Variants in DPP9 observed in about 807,000 individuals in gnomAD.
DPP9 encodes the protein dipeptidyl peptidase 9, also known as dipeptidyl peptidase IV-related protein-2.
DPP9 carries 50 observed loss-of-function variants against 110.7 expected under a neutral mutation model. The ratio of observed to expected loss-of-function variants is 0.45; its 90% CI spans 0.36 to 0.57. The LOEUF (loss-of-function observed/expected upper bound fraction) is 0.57, where lower values mean the gene tolerates loss of function less well. Among genes scored for constraint, DPP9 ranks in the 20% least tolerant of loss-of-function variants. DPP9 has a pLI of 0.00. For missense variants in DPP9, 1,022 were observed against 1,217.9 expected (o/e 0.84, Z 2.39); for synonymous variants, 561 against 514.4 (o/e 1.09, Z -1.23).
intron 3 of DPP9, among the ~76,000 whole-genome samples, chr19:4,714,929 G>A (rs558867507): frequency 1.3e-4 from 20 of 151,232 alleles, no homozygotes; most frequent in South Asian, 8.4e-4. Context: ...CCTTTCCACC[G>A]CAGGGCCTTT....
intron 1 of DPP9, among the ~76,000 whole-genome samples, chr19:4,722,988 T>C (rs537441760): frequency 1.3e-5 from 2 of 152,210 alleles, no homozygotes; most frequent in African/African-American, 4.8e-5. Flanking sequence ...GGGAAGAAGG[T>C]AGGCGGTTGG....
At chr19:4,678,862 C>G (rs968015693) in intron 21 of DPP9, among the ~76,000 whole-genome samples, 1 of 152,146 alleles carries the variant, frequency 6.6e-6, no homozygotes, top group Non-Finnish European at 1.5e-5. Context: ...CCCGCCGGTA[C>G]AACTATGGAC....
chr19:4,679,733 G>A (rs2089534121), intron 21 of DPP9, 102 bp downstream of exon 21: 2 of 857,882 alleles, frequency 2.3e-6, no homozygotes, highest in Admixed American at 4.3e-5. Context: ...ATCCCCCAGG[G>A]AGCCCCTGGT....
intron 10 of DPP9, 120 bp from the exon 11 acceptor site, chr19:4,697,771 C>T (rs942675127): frequency 2.9e-6 from 2 of 700,208 alleles, no homozygotes; most frequent in African/African-American, 1.8e-5. Context: ...GAGTCTCAGC[C>T]CCCAGAACCC....
At chr19:4,690,397 C>G (rs572311355) in intron 14 of DPP9, among the ~76,000 whole-genome samples, 40 of 152,338 alleles carry the variant, frequency 2.6e-4, no homozygotes, top group African/African-American at 8.2e-4. Flanking sequence ...CCGGTGGAGG[C>G]AGCTGGAGCG....
Position 4,719,880 on chromosome 19 carries a change from CA to C in DPP9, c.26del (p.Leu9ArgfsTer14), listed in dbSNP as rs2093241891. The C allele has an allele frequency of 6.4e-7, 1 of 1,551,766 alleles. No homozygotes were observed. The highest frequency in any genetic ancestry group is 2.4e-5 in the East Asian group (1 of 40,916). Reference protein sequence around the residue: MRKVKKLRLDKENTGSWRS... With the variant: MRKVKKLRXDKENTGSWRS... ...TCCAACTTCCGGTGTTCTCCTTGTC[CA>C]GGCGCAGTTTCTTAACCTTCCGCAT... On this transcript the variant is annotated frameshift_variant, in exon 3 of 22. Transcript: ENST00000262960. LOFTEE classifies it high-confidence loss of function.
At chr19:4,691,458 A>G (rs2091303693) in intron 13 of DPP9, among the ~76,000 whole-genome samples, 1 of 150,998 alleles carries the variant, frequency 6.6e-6, no homozygotes, top group Non-Finnish European at 1.5e-5. Flanking sequence ...CCTGGGCGAC[A>G]ACAAGAACCC....
Position 4,685,449 on chromosome 19 carries a change from A to C in DPP9, c.2031+177T>G. The C allele has an allele frequency of 2.9e-6, 2 of 697,710 alleles. No individual in the cohort carries two copies. The highest frequency in any genetic ancestry group is 5.0e-6 in the Non-Finnish European group (2 of 396,124). The allele number at this position is 697,710 out of a possible 1,614,324, so 43.2% of individuals were successfully genotyped here. A position where few individuals can be genotyped will look rare whatever the true frequency, so the allele number is the denominator to read the frequency against. On this transcript the variant is annotated intron_variant, in intron 17 of 21. Coordinates refer to ENST00000262960, the MANE Select transcript of DPP9 (RefSeq NM_139159.5). This position sits in a 1 kb window ranked among gnomAD's most constrained non-coding sequence, Gnocchi z 5.8. ...GCGTGCAAACGGGCACAGAGAAAGGAGGGTGAGGGGCCCCGAGGACCCTGT... is the reference window on the plus strand; with the variant it reads ...GCGTGCAAACGGGCACAGAGAAAGGCGGGTGAGGGGCCCCGAGGACCCTGT...
Position 4,700,314 on chromosome 19 carries a change from A to T in DPP9, c.1013-37T>A, listed in dbSNP as rs2145687235. 6.4e-7 allele frequency: 1 copy of T among 1,572,128 alleles called. No individual in the cohort carries two copies. Among genetic ancestry groups the T allele is most frequent in the East Asian group, 2.3e-5 (1 of 43,636 alleles). On this transcript the variant is annotated intron_variant, in intron 9 of 21. Transcript: ENST00000262960. This position sits in a 1 kb window ranked among gnomAD's most constrained non-coding sequence, Gnocchi z 4.3. ...GAAGTGAGGTGAACACCAGGCAGGC[A>T]TCACCCGTGTGTGCCGAGAGCCGGC...
rs569644587 is a variant in DPP9, at chr19:4,722,639, T to G, written c.-88-88A>C. On this transcript the variant is annotated intron_variant, in intron 1 of 21. Transcript: ENST00000262960. ...CCTCCCCCACTCAGGAGCTGCAGAC[T>G]GTCAGGCCCGATTCTACCTGGCTAG... 37 of 693,994 alleles carry G rather than the reference T, an allele frequency of 5.3e-5. No individual in the cohort carries two copies. The African/African-American group carries it at 5.8e-4, about 11-fold the overall frequency. 43.0% of individuals were successfully genotyped at this position (693,994 alleles called of 1,614,324 possible). A position where few individuals can be genotyped will look rare whatever the true frequency, so the allele number is the denominator to read the frequency against.
In DPP9 at chr19:4,676,262, C is replaced by T; in HGVS notation, c.*302G>A. On this transcript the variant is annotated 3_prime_UTR_variant, in exon 22 of 22. Transcript: ENST00000262960. The surrounding 1 kb of genome is among the most constrained non-coding windows in gnomAD (Gnocchi z 4.0). ...CCCGCTCCTCTGAGTCTCTTCTGGC[C>T]TCTCCAGTGCCCATCAGCGTGTGAC... The T allele has an allele frequency of 2.3e-6, 1 of 426,590 alleles. No homozygotes were observed. Among genetic ancestry groups the T allele is most frequent in the Non-Finnish European group, 4.4e-6 (1 of 229,376 alleles). The allele number at this position is 426,590 out of a possible 1,614,324, so 26.4% of individuals were successfully genotyped here.
Position 4,700,755 on chromosome 19 carries a change from G to A in DPP9, c.1013-478C>T, listed in dbSNP as rs2092195296. Among the ~76,000 whole-genome samples the A allele has an allele frequency of 1.3e-5, 2 of 152,174 alleles. No homozygotes were observed. The highest frequency in any genetic ancestry group is 6.6e-5 in the Admixed American group (1 of 15,266). On this transcript the variant is annotated intron_variant, in intron 9 of 21. Coordinates refer to ENST00000262960, the MANE Select transcript of DPP9 (RefSeq NM_139159.5). This position sits in a 1 kb window ranked among gnomAD's most constrained non-coding sequence, Gnocchi z 4.3. ...CCTGCGCCCTCCGGAGGCCAATGGCGACAGAATAAGGGACCCAAGAGGCTT... is the reference window on the plus strand; with the variant it reads ...CCTGCGCCCTCCGGAGGCCAATGGCAACAGAATAAGGGACCCAAGAGGCTT...
rs972967670 is a variant in DPP9 at position 4,682,128 on chromosome 19, G to A, written c.2474+568C>T. On this transcript the variant is annotated intron_variant, in intron 20 of 21. Coordinates refer to ENST00000262960, the MANE Select transcript of DPP9 (RefSeq NM_139159.5). The surrounding 1 kb of genome is among the most constrained non-coding windows in gnomAD (Gnocchi z 7.1). ...CTCCCAGAGTGCTGGGATTACAGGAGTGAGCCACCGCGCCCGGCCCATGCC... is the reference window on the plus strand; with the variant it reads ...CTCCCAGAGTGCTGGGATTACAGGAATGAGCCACCGCGCCCGGCCCATGCC... Among the ~76,000 whole-genome samples, 18 of 152,038 alleles carry A rather than the reference G, an allele frequency of 1.2e-4. No individual in the cohort carries two copies. Among genetic ancestry groups the A allele is most frequent in the African/African-American group, 4.3e-4 (18 of 41,390 alleles).
chr19:4,700,730 C>A lies in DPP9; in HGVS notation c.1013-453G>T, dbSNP rs954431792. On this transcript the variant is annotated intron_variant, in intron 9 of 21. Coordinates refer to ENST00000262960, the MANE Select transcript of DPP9 (RefSeq NM_139159.5). This position sits in a 1 kb window ranked among gnomAD's most constrained non-coding sequence, Gnocchi z 4.3. Reference sequence around the variant, plus strand: ...CCAGGGAGCCCGTGTGACAGCCAGACCTGCGCCCTCCGGAGGCCAATGGCG... The same window carrying A: ...CCAGGGAGCCCGTGTGACAGCCAGAACTGCGCCCTCCGGAGGCCAATGGCG... 2.0e-5 allele frequency among the ~76,000 whole-genome samples: 3 copies of A among 152,188 alleles called. No homozygotes were observed. In the East Asian group the frequency reaches 5.8e-4, roughly 29 times the overall value.
intron 1 of DPP9, among the ~76,000 whole-genome samples, chr19:4,723,172 C>A (rs2093397239): frequency 6.6e-6 from 1 of 152,186 alleles, no homozygotes; most frequent in Non-Finnish European, 1.5e-5. Flanking sequence ...TTGGGGAGAC[C>A]AAGCCTCGGG....
At chr19:4,696,852 C>G (rs1202377524) in intron 11 of DPP9, among the ~76,000 whole-genome samples, 1 of 152,106 alleles carries the variant, frequency 6.6e-6, no homozygotes, top group African/African-American at 2.4e-5. Context: ...GTTAACATTC[C>G]ATTGGAGGCA....
Position 4,676,323 on chromosome 19 carries a change from G to A in DPP9, c.*241C>T, listed in dbSNP as rs1442134759. ...CAGAAGGCGGGGAGAGGAGGGGCTG[G>A]CCCGAGACCACCATCTCTCTGTCTC... On this transcript the variant is annotated 3_prime_UTR_variant, in exon 22 of 22. Transcript: ENST00000262960. The surrounding 1 kb of genome is among the most constrained non-coding windows in gnomAD (Gnocchi z 4.0). 1.8e-6 allele frequency: 1 copy of A among 546,088 alleles called. No individual in the cohort carries two copies. Among genetic ancestry groups the A allele is most frequent in the African/African-American group, 1.9e-5 (1 of 52,528 alleles). 33.8% of individuals were successfully genotyped at this position (546,088 alleles called of 1,614,324 possible).
At chr19:4,721,069 C>T (rs568378076) in intron 2 of DPP9, among the ~76,000 whole-genome samples, 1 of 152,088 alleles carries the variant, frequency 6.6e-6, no homozygotes, top group Non-Finnish European at 1.5e-5. Context: ...ACCGGCCCCC[C>T]CAGGGGACAT....
chr19:4,690,807 G>A, intron 14 of DPP9, 71 bp downstream of exon 14: 3 of 1,172,402 alleles, frequency 2.6e-6, no homozygotes, highest in Non-Finnish European at 1.3e-6. Context: ...GCGCGTGCGT[G>A]TGTGTGTGAG....
Sources: gnomAD v4.1 joint callset for allele counts (sites outside exome capture counted in the v4.1 genomes callset) on GRCh38, gnomAD v4.1.1 for gene constraint, Gnocchi (gnomAD v3.1) non-coding constraint, MANE v1.5 for transcripts, NCBI Gene and HGNC (gene_info 2026-07-23, HGNC 2026-07-21) for gene names.